The following KIF1B variants were observed in gnomAD, a reference collection of about 807,000 sequenced individuals.
KIF1B encodes kinesin-like protein KIF1B.
KIF1B carries 76 observed loss-of-function variants against 241.9 expected under a neutral mutation model. The observed-to-expected ratio is 0.31, with a 90% CI of 0.26 to 0.38. KIF1B has a LOEUF of 0.38. KIF1B is among the 10% of genes least tolerant of loss of function. The probability of loss-of-function intolerance (pLI) is 1.00; values close to 1 mark genes in which losing one functional copy is unlikely to be tolerated. For synonymous variants in KIF1B, 750 were observed against 796.7 expected (o/e 0.94, Z 0.99); for missense variants, 1,622 against 2,271.4 (o/e 0.71, Z 5.81).
intron 34 of KIF1B, chr1:10,345,624 A>G: frequency 1.8e-6 from 1 of 543,204 alleles, no homozygotes; most frequent in East Asian, 3.3e-5. Flanking sequence ...TTGAGAAAAA[A>G]GATACTGATT....
At position 10,337,214 on chromosome 1, in the gene KIF1B, A is replaced by G; in HGVS notation, c.3259+11A>G. 1.2e-6 allele frequency: 2 copies of G among 1,614,194 alleles called. No homozygotes were observed. Among genetic ancestry groups the G allele is most frequent in the Non-Finnish European group, 8.5e-7 (1 of 1,180,024 alleles). On this transcript the variant is annotated intron_variant, in intron 30 of 48. Transcript: ENST00000676179. The surrounding 1 kb of genome is among the most constrained non-coding windows in gnomAD (Gnocchi z 4.0). ...GAATTAATGACTTGGGTATGTAGAC[A>G]TAGTTTACTGTGCTTGGGGACATTT...
chr1:10,368,854 C>G (rs1638646097), intron 44 of KIF1B, among the ~76,000 whole-genome samples: 1 of 152,128 alleles, frequency 6.6e-6, no homozygotes, highest in African/African-American at 2.4e-5. Flanking sequence ...TGCCAGGGTA[C>G]AAGGAAACCC....
intron 26 of KIF1B, among the ~76,000 whole-genome samples, chr1:10,325,806 C>T (rs1388466565): frequency 6.6e-6 from 1 of 152,160 alleles, no homozygotes; most frequent in Non-Finnish European, 1.5e-5. Flanking sequence ...GGATGCTGAT[C>T]TTTTATGTGA....
In KIF1B at chr1:10,214,154, T is replaced by C. The variant is rs558463036; in HGVS notation, c.-80+3276T>C. ...AAAAGATGCCTTGGACTTCTCAGAG[T>C]TGAACTGTTTGGTTAACGGGCCACT... On this transcript the variant is annotated intron_variant, in intron 1 of 48. Coordinates refer to ENST00000676179, the MANE Select transcript of KIF1B (RefSeq NM_001365951.3). 4.4e-4 allele frequency among the ~76,000 whole-genome samples: 67 copies of C among 152,214 alleles called. 1 individual carries two copies. Among genetic ancestry groups the C allele is most frequent in the African/African-American group, 1.4e-3 (57 of 41,542 alleles).
chr1:10,217,610 C>T (rs1344117001), intron 1 of KIF1B, among the ~76,000 whole-genome samples: 1 of 152,082 alleles, frequency 6.6e-6, no homozygotes, highest in African/African-American at 2.4e-5. Context: ...AGCCACCGCA[C>T]CCAGCTGCTC....
intron 44 of KIF1B, among the ~76,000 whole-genome samples, chr1:10,370,516 A>G (rs1182007882): frequency 6.6e-6 from 1 of 152,034 alleles, no homozygotes; most frequent in African/African-American, 2.4e-5. Flanking sequence ...GTGAGCCAAC[A>G]TCGCACCACT....
At chr1:10,354,085 C>G (rs1294907523) in intron 38 of KIF1B, among the ~76,000 whole-genome samples, 1 of 152,086 alleles carries the variant, frequency 6.6e-6, no homozygotes, top group Non-Finnish European at 1.5e-5. Flanking sequence ...TTAAGAAGTC[C>G]TTTAATTCAC....
chr1:10,244,769 C>A (rs1422737311), intron 2 of KIF1B, among the ~76,000 whole-genome samples: 1 of 151,874 alleles, frequency 6.6e-6, no homozygotes, highest in Non-Finnish European at 1.5e-5. Context: ...CCCACCACCA[C>A]GCCTGGCTAA....
rs1297348708 is a variant in KIF1B, at chr1:10,379,152, CAG to C, written c.*2568_*2569del. ...TTGATGCTGCTGTTACAGAGTGTGA[CAG>C]AGGATCCATGTCTGTGACACAGGAC... On this transcript the variant is annotated 3_prime_UTR_variant, in exon 49 of 49. Transcript: ENST00000676179. 1 of 232,156 alleles carries C rather than the reference CAG, an allele frequency of 4.3e-6. No homozygotes were observed. Among genetic ancestry groups the C allele is most frequent in the Non-Finnish European group, 8.5e-6 (1 of 117,164 alleles). The allele number at this position is 232,156 out of a possible 1,614,324, so 14.4% of individuals were successfully genotyped here.
Position 10,376,860 on chromosome 1 carries a change from CACACACAT to C in KIF1B, c.*279_*286del, listed in dbSNP as rs1013705867. On this transcript the variant is annotated 3_prime_UTR_variant, in exon 49 of 49. Transcript: ENST00000676179. ...ACACACACACACACACACACACACA[CACACACAT>C]ACACAGACAAAAACACAAAAACTCT... 17 of 454,386 alleles carry C rather than the reference CACACACAT, an allele frequency of 3.7e-5. No individual in the cohort carries two copies. Among genetic ancestry groups the C allele is most frequent in the East Asian group, 1.1e-4 (3 of 26,170 alleles). 28.1% of individuals were successfully genotyped at this position (454,386 alleles called of 1,614,324 possible). A position where few individuals can be genotyped will look rare whatever the true frequency, so the allele number is the denominator to read the frequency against.
At chr1:10,317,041 T>C (rs1282852903) in intron 22 of KIF1B, among the ~76,000 whole-genome samples, 1 of 151,384 alleles carries the variant, frequency 6.6e-6, no homozygotes, top group Non-Finnish European at 1.5e-5. Flanking sequence ...GCATGGTGGC[T>C]CACACCTGTA....
Position 10,376,537 on chromosome 1 carries a change from C to T in KIF1B, c.5409-8C>T. 1.2e-6 allele frequency: 2 copies of T among 1,613,882 alleles called. No homozygotes were observed. Among genetic ancestry groups the T allele is most frequent in the Non-Finnish European group, 1.7e-6 (2 of 1,179,832 alleles). ...TTCTAATCCTACCTCCCCGTTTGTC[C>T]CCCATAGGTCAAAGCTTTCCCGCAG... is the stretch of plus-strand genomic sequence containing the variant. On this transcript the variant is annotated splice_polypyrimidine_tract_variant and splice_region_variant and intron_variant, in intron 48 of 48. Coordinates refer to ENST00000676179, the MANE Select transcript of KIF1B (RefSeq NM_001365951.3).
Position 10,272,323 on chromosome 1 carries a change from A to G in KIF1B, c.864+17A>G, listed in dbSNP as rs528812490. On this transcript the variant is annotated intron_variant, in intron 9 of 48. Transcript: ENST00000676179. ...GCCGAGGTGGTAAGTTTTATACTTC[A>G]TTATAAGGGGAGTTGTGTCTGTTCA... is the stretch of plus-strand genomic sequence containing the variant. The G allele has an allele frequency of 6.0e-6, 9 of 1,497,536 alleles. No individual in the cohort carries two copies. Among genetic ancestry groups the G allele is most frequent in the Non-Finnish European group, 8.4e-6 (9 of 1,074,044 alleles). The allele number at this position is 1,497,536 out of a possible 1,614,324, so 92.8% of individuals were successfully genotyped here.
chr1:10,336,922 A>G (rs1288311485), intron 29 of KIF1B, 152 bp from the exon 30 acceptor site: 2 of 1,146,666 alleles, frequency 1.7e-6, no homozygotes, highest in Admixed American at 3.4e-5. Context: ...CAATATTCAT[A>G]TTTTATTCAT....
intron 15 of KIF1B, among the ~76,000 whole-genome samples, chr1:10,285,619 G>A (rs769597271): frequency 2.6e-5 from 4 of 152,198 alleles, no homozygotes; most frequent in Non-Finnish European, 5.9e-5. Flanking sequence ...AGCTTCCTTA[G>A]TGTTTTGTGT....
At chr1:10,215,999 T>G (rs921440319) in intron 1 of KIF1B, among the ~76,000 whole-genome samples, 1 of 152,228 alleles carries the variant, frequency 6.6e-6, no homozygotes, top group East Asian at 1.9e-4. Flanking sequence ...TTGAGCACTT[T>G]CTGTGTGCCA....
chr1:10,211,267 C>G (rs1056489421), intron 1 of KIF1B, among the ~76,000 whole-genome samples: 2 of 152,238 alleles, frequency 1.3e-5, no homozygotes, highest in African/African-American at 4.8e-5. Flanking sequence ...TTTCCCTCTC[C>G]CCTTTCCTCC....
At chr1:10,371,815 C>T (rs1228906582) in intron 45 of KIF1B, among the ~76,000 whole-genome samples, 2 of 152,070 alleles carry the variant, frequency 1.3e-5, no homozygotes, top group African/African-American at 2.4e-5. Context: ...TGCCTGTGGT[C>T]CCAGCTACTC....
At chr1:10,327,713 C>T (rs1651776432) in intron 27 of KIF1B, among the ~76,000 whole-genome samples, 1 of 152,060 alleles carries the variant, frequency 6.6e-6, no homozygotes, top group African/African-American at 2.4e-5. Context: ...ACAAGTTCAA[C>T]AGTAGAGCAT....
Sources: allele counts gnomAD v4.1 joint callset (sites outside exome capture counted in the v4.1 genomes callset), GRCh38; gene constraint gnomAD v4.1.1; non-coding constraint Gnocchi (gnomAD v3.1); transcripts MANE v1.5; gene names NCBI Gene and HGNC (gene_info 2026-07-23, HGNC 2026-07-21).